MAPK10: variants seen among roughly 807,000 people sequenced by gnomAD.
The protein encoded by MAPK10 is mitogen-activated protein kinase 10.
MAPK10 carries 25 observed loss-of-function variants against 59.3 expected under a neutral mutation model. The observed-to-expected ratio is 0.42, with a 90% CI of 0.31 to 0.59. The LOEUF (loss-of-function observed/expected upper bound fraction) is 0.59. MAPK10 is among the 20% of genes least tolerant of loss of function. The pLI is 0.15. For missense variants in MAPK10, 351 were observed against 568.9 expected, an observed-to-expected ratio of 0.62 and a Z score of 3.90; for synonymous variants, 190 against 200.5, an observed-to-expected ratio of 0.95 and a Z score of 0.44.
chr4:86,451,804 T>C (rs1750747234), intron 1 of MAPK10, among the ~76,000 whole-genome samples: 1 of 152,116 alleles, frequency 6.6e-6, no homozygotes, highest in African/African-American at 2.4e-5. Context: ...GGCACACAAA[T>C]TCCCAGGTAC....
chr4:86,462,262 A>T (rs746166118), intron 1 of MAPK10, among the ~76,000 whole-genome samples: 2 of 152,232 alleles, frequency 1.3e-5, no homozygotes, highest in Non-Finnish European at 2.9e-5. Flanking sequence ...TACAAGTACA[A>T]AGAGGAGTCA....
intron 2 of MAPK10, among the ~76,000 whole-genome samples, chr4:86,280,479 AG>A (rs2094754307): frequency 6.6e-6 from 1 of 152,208 alleles, no homozygotes; most frequent in South Asian, 2.1e-4. Context: ...TGCGAAGAAA[AG>A]GGAACTCTTA....
At chr4:86,202,706 T>C (rs1191194487) in intron 2 of MAPK10, among the ~76,000 whole-genome samples, 2 of 151,876 alleles carry the variant, frequency 1.3e-5, no homozygotes, top group Non-Finnish European at 2.9e-5. Flanking sequence ...GAAGTGGGCA[T>C]GTGGGAAATA....
intron 1 of MAPK10, among the ~76,000 whole-genome samples, chr4:86,451,035 G>A (rs548686129): frequency 1.3e-5 from 2 of 152,296 alleles, no homozygotes; most frequent in Admixed American, 1.3e-4. Context: ...AGATTTTGTG[G>A]AGTGTAGGCA....
At chr4:86,192,326 AG>A (rs2080126042) in intron 3 of MAPK10, 2 of 152,086 alleles carry the variant, frequency 1.3e-5, no homozygotes, top group African/African-American at 4.8e-5. Flanking sequence ...CTCTCTTGCT[AG>A]GTTGGGGAAG....
intron 1 of MAPK10, among the ~76,000 whole-genome samples, chr4:86,593,242 C>A (rs1332917758): frequency 6.6e-6 from 1 of 152,180 alleles, no homozygotes; most frequent in Non-Finnish European, 1.5e-5. Flanking sequence ...AAATAAGCCT[C>A]AGATCTCTCC....
chr4:86,383,140 G>T (rs1417274839), intron 1 of MAPK10, among the ~76,000 whole-genome samples: 1 of 152,104 alleles, frequency 6.6e-6, no homozygotes, highest in Non-Finnish European at 1.5e-5. Flanking sequence ...CAAACATTAG[G>T]CTTCCTTCCC....
Position 86,276,017 on chromosome 4 carries a change from A to G in MAPK10, c.-7+78513T>C, listed in dbSNP as rs193056154. On this transcript the variant is annotated intron_variant, in intron 2 of 13. Coordinates refer to ENST00000641462, the MANE Select transcript of MAPK10 (RefSeq NM_138982.4). ...AATACTAGAATCCACAAGTTGTTTAATAAGTATTGTAACATTGAAAACATA... is the reference window on the plus strand; with the variant it reads ...AATACTAGAATCCACAAGTTGTTTAGTAAGTATTGTAACATTGAAAACATA... Among the ~76,000 whole-genome samples the G allele has an allele frequency of 1.6e-3, 240 of 152,244 alleles. 2 individuals are homozygous for G. The highest frequency in any genetic ancestry group is 5.4e-3 in the African/African-American group (225 of 41,574).
intron 1 of MAPK10, among the ~76,000 whole-genome samples, chr4:86,432,139 A>T (rs934057243): frequency 2.0e-5 from 3 of 152,292 alleles, no homozygotes; most frequent in African/African-American, 7.2e-5. Flanking sequence ...GGAGGGTCTA[A>T]TGAGATGGGT....
chr4:86,031,203 T>G (rs187705693), intron 12 of MAPK10, among the ~76,000 whole-genome samples, 165 bp downstream of exon 12: 86 of 152,354 alleles, frequency 5.6e-4, no homozygotes, highest in Non-Finnish European at 1.1e-3. Flanking sequence ...TGACATTGCT[T>G]TCGGCATGAA....
chr4:86,419,643 AT>A (rs1226051566), intron 1 of MAPK10, among the ~76,000 whole-genome samples: 1 of 152,128 alleles, frequency 6.6e-6, no homozygotes, highest in South Asian at 2.1e-4. Context: ...TCGATGAATG[AT>A]TTTTTTAATG....
intron 1 of MAPK10, among the ~76,000 whole-genome samples, chr4:86,390,230 T>C (rs764824330): frequency 1.4e-4 from 22 of 152,192 alleles, no homozygotes; most frequent in African/African-American, 2.2e-4. Context: ...TAGATTGTAT[T>C]TCTATGAGTT....
chr4:86,541,702 T>C (rs572221341), intron 1 of MAPK10, among the ~76,000 whole-genome samples: 1 of 152,354 alleles, frequency 6.6e-6, no homozygotes, highest in South Asian at 2.1e-4. Flanking sequence ...TATTTTGGTC[T>C]ACCCAGTAAT....
rs1578536154 is a variant in MAPK10 at position 86,015,378 on chromosome 4, T to A, written c.*1850A>T. 1 of 152,286 alleles carries A rather than the reference T, an allele frequency of 6.6e-6. No homozygotes were observed. Among genetic ancestry groups the A allele is most frequent in the Non-Finnish European group, 1.5e-5 (1 of 68,012 alleles). 9.4% of individuals were successfully genotyped at this position (152,286 alleles called of 1,614,324 possible). The stretch of plus-strand genomic sequence containing the variant: ...CACTGGCATTCTTGTTTGCTCTGTT[T>A]TGGGGATATTCTATTTGCCAATCAG... On this transcript the variant is annotated 3_prime_UTR_variant, in exon 14 of 14. Transcript: ENST00000641462.
At chr4:86,165,875 G>T (rs2149245458) in intron 3 of MAPK10, among the ~76,000 whole-genome samples, 1 of 151,962 alleles carries the variant, frequency 6.6e-6, no homozygotes, top group East Asian at 1.9e-4. Flanking sequence ...GCCTAGAGAT[G>T]GTTATTCTAT....
Position 86,017,267 on chromosome 4 carries a change from G to C in MAPK10, c.1356C>G (p.Ser452Arg). The change falls in exon 14 of 14, where the codon AGC (serine) becomes AGG (arginine). Residue 452 changes from serine to arginine, a missense_variant. Ser to Arg is a moderately radical substitution (Grantham distance 110). This residue lies in a region of MAPK10 where 155 missense variants were observed against 204.2 expected (regional missense o/e 0.76). Transcript: ENST00000641462. The surrounding 1 kb of genome is among the most constrained non-coding windows in gnomAD (Gnocchi z 4.4). ...CCAGGGGTCCTGCCGAGGCTTCCAGGCTGCTGTCAGTGTCAGATGCCAGGG... is the reference window on the plus strand; with the variant it reads ...CCAGGGGTCCTGCCGAGGCTTCCAGCCTGCTGTCAGTGTCAGATGCCAGGG... The part of the protein sequence containing the change: ...DQTLASDTDS[S>R]LEASAGPLGC... The C allele has an allele frequency of 6.2e-7, 1 of 1,614,168 alleles. No individual in the cohort carries two copies. The highest frequency in any genetic ancestry group is 8.5e-7 in the Non-Finnish European group (1 of 1,180,020).
chr4:86,214,411 A>C (rs1401294271), intron 2 of MAPK10, among the ~76,000 whole-genome samples: 1 of 151,818 alleles, frequency 6.6e-6, no homozygotes, highest in Non-Finnish European at 1.5e-5. Flanking sequence ...ACAGGAAAGA[A>C]GGAAATAAAG....
intron 1 of MAPK10, among the ~76,000 whole-genome samples, chr4:86,400,419 C>G (rs1743546065): frequency 6.6e-6 from 1 of 151,936 alleles, no homozygotes; most frequent in African/African-American, 2.4e-5. Flanking sequence ...TCTGGTTCCT[C>G]TCTCTCTTTC....
chr4:86,230,147 G>A (rs1286267425), intron 2 of MAPK10, among the ~76,000 whole-genome samples: 1 of 152,212 alleles, frequency 6.6e-6, no homozygotes, highest in East Asian at 1.9e-4. Flanking sequence ...AGAAAAAAAG[G>A]TACTTCCCAA....
Sources: allele counts gnomAD v4.1 joint callset (sites outside exome capture counted in the v4.1 genomes callset), GRCh38; gene constraint gnomAD v4.1.1; regional missense constraint gnomAD v4.1.1; non-coding constraint Gnocchi (gnomAD v3.1); transcripts MANE v1.5; gene names NCBI Gene and HGNC (gene_info 2026-07-23, HGNC 2026-07-21).